IL4I1: variants seen among roughly 807,000 people sequenced by gnomAD.
IL4I1 encodes interleukin 4 induced 1.
IL4I1 carries 24 observed loss-of-function variants against 29.7 expected under a neutral mutation model. The ratio of observed to expected loss-of-function variants is 0.81; its 90% CI spans 0.59 to 1.14. The LOEUF (loss-of-function observed/expected upper bound fraction) is 1.14, where lower values mean the gene tolerates loss of function less well. Ranked by LOEUF, IL4I1 falls within the 50% of genes most tolerant of loss-of-function variation. The pLI, the probability that IL4I1 is intolerant of heterozygous loss-of-function variation, is 0.00. For synonymous variants in IL4I1, 371 were observed against 352.5 expected, an observed-to-expected ratio of 1.05 and a Z score of -0.59; for missense variants, 686 against 785.6, an observed-to-expected ratio of 0.87 and a Z score of 1.52.
chr19:49,908,863 G>A lies in IL4I1; in HGVS notation c.-227-4542C>T. On this transcript the variant is annotated intron_variant, in intron 2 of 9. Transcript: ENST00000341114. ...CAGCCGCCCCTGCAGCTGCGCCAGG[G>A]CCAGGTGGAGCGGTCACGGCAGCTG... is the stretch of plus-strand genomic sequence containing the variant. The A allele has an allele frequency of 1.2e-6, 2 of 1,611,516 alleles. No individual in the cohort carries two copies. The highest frequency in any genetic ancestry group is 2.7e-5 in the African/African-American group (2 of 75,062).
At chr19:49,897,619 G>A (rs1228798924), upstream of IL4I1, among the ~76,000 whole-genome samples, 1 of 152,216 alleles carries the variant, frequency 6.6e-6, no homozygotes, top group African/African-American at 2.4e-5. Context: ...GGTTCTATGA[G>A]TGACCACCCG....
chr19:49,908,647 C>A, intron 2 of IL4I1: 1 of 1,612,926 alleles, frequency 6.2e-7, no homozygotes, highest in Non-Finnish European at 8.5e-7. Context: ...GGTCCAGCCT[C>A]TTCTGGTCCA....
intron 2 of IL4I1, among the ~76,000 whole-genome samples, chr19:49,926,980 C>A (rs1452757727): frequency 6.6e-6 from 1 of 151,932 alleles, no homozygotes; most frequent in Non-Finnish European, 1.5e-5. Flanking sequence ...CTGCCTTAGC[C>A]TCATGAGTAG....
chr19:49,915,618 A>G (rs1024668621), intron 2 of IL4I1, among the ~76,000 whole-genome samples: 2 of 152,260 alleles, frequency 1.3e-5, no homozygotes, highest in Non-Finnish European at 2.9e-5. Flanking sequence ...TTGAGGGACG[A>G]TGGAGAAAGA....
In IL4I1 at chr19:49,896,051, G is replaced by A; in HGVS notation, c.16C>T (p.Leu6=). The change falls in exon 3 of 8, where the codon CTG becomes TTG. Residue 6 remains leucine, a splice_region_variant and synonymous_variant. Transcript: ENST00000391826. MAPLA[L]HLLVLVPILL... ...ATGGGGACGAGGACGAGGAGGTGCA[G>A]GGCTGGGAGGAGGAGGACAGGGTCA... 5 of 1,613,712 alleles carry A rather than the reference G, an allele frequency of 3.1e-6. No individual in the cohort carries two copies. Among genetic ancestry groups the A allele is most frequent in the Non-Finnish European group, 4.2e-6 (5 of 1,179,754 alleles).
chr19:49,907,339 G>C, intron 2 of IL4I1: 1 of 315,388 alleles, frequency 3.2e-6, no homozygotes, highest in South Asian at 2.4e-5. Flanking sequence ...CCAGGCAAAA[G>C]GCAGGCCTCT....
intron 2 of IL4I1, among the ~76,000 whole-genome samples, chr19:49,925,074 C>G (rs1236723736): frequency 6.6e-6 from 1 of 151,986 alleles, no homozygotes; most frequent in Non-Finnish European, 1.5e-5. Context: ...CCAGCCTGAC[C>G]AACATGGAGA....
rs564734739 is a variant in IL4I1 at position 49,909,839 on chromosome 19, G to C, written c.-227-5518C>G. 15 of 1,609,148 alleles carry C rather than the reference G, an allele frequency of 9.3e-6. No individual in the cohort carries two copies. In the Admixed American group the frequency reaches 1.3e-4, roughly 14 times the overall value. ...GGACTCTGGTGGCGGCAGCTACTCT[G>C]GCTCCCAAAGCAAATCCGTCGGTGT... On this transcript the variant is annotated intron_variant, in intron 2 of 9. Coordinates refer to the IL4I1 transcript ENST00000341114.
chr19:49,925,323 C>T (rs148441365), intron 2 of IL4I1, among the ~76,000 whole-genome samples: 480 of 151,942 alleles, frequency 3.2e-3, no homozygotes, highest in Admixed American at 7.9e-3. Flanking sequence ...CACAGTGGCT[C>T]AGGCTTGTAA....
At chr19:49,894,711 A>G (rs2075182827) in intron 4 of IL4I1, among the ~76,000 whole-genome samples, 1 of 147,524 alleles carries the variant, frequency 6.8e-6, no homozygotes, top group Admixed American at 6.8e-5. Flanking sequence ...CCAGATTAGA[A>G]TTGGGAAGGG....
At chr19:49,922,810 C>T (rs2075796616) in intron 2 of IL4I1, among the ~76,000 whole-genome samples, 1 of 152,246 alleles carries the variant, frequency 6.6e-6, no homozygotes, top group South Asian at 2.1e-4. Flanking sequence ...CTTTCAGGGG[C>T]CCAGGTGCTT....
At chr19:49,899,746 G>T (rs1343816503), upstream of IL4I1, among the ~76,000 whole-genome samples, 1 of 152,006 alleles carries the variant, frequency 6.6e-6, no homozygotes, top group Admixed American at 6.6e-5. Context: ...TAGTAGAGAT[G>T]AGATTTCACC....
upstream of IL4I1, chr19:49,901,617 G>A (rs767526406): frequency 4.5e-5 from 66 of 1,467,266 alleles, 5 homozygotes; most frequent in South Asian, 8.9e-4. Flanking sequence ...AACATCCCAG[G>A]GCCCCGGGTG....
At chr19:49,920,827 C>T (rs958868270) in intron 2 of IL4I1, among the ~76,000 whole-genome samples, 4 of 152,158 alleles carry the variant, frequency 2.6e-5, no homozygotes, top group African/African-American at 4.8e-5. Context: ...AGCGGACAGG[C>T]GTGTGTGGCG....
chr19:49,916,499 C>G (rs1438967933), intron 2 of IL4I1, among the ~76,000 whole-genome samples: 1 of 150,710 alleles, frequency 6.6e-6, no homozygotes, highest in African/African-American at 2.4e-5. Flanking sequence ...TTAGGCCAGG[C>G]GCGGTGGCTC....
chr19:49,922,312 G>T (rs1422767766), intron 2 of IL4I1, among the ~76,000 whole-genome samples: 1 of 152,150 alleles, frequency 6.6e-6, no homozygotes, highest in African/African-American at 2.4e-5. Flanking sequence ...GTGGCCTCTG[G>T]CTGGGGGCAT....
intron 2 of IL4I1, chr19:49,908,963 G>A: frequency 6.2e-7 from 1 of 1,605,920 alleles, no homozygotes; most frequent in Non-Finnish European, 8.5e-7. Flanking sequence ...GCTGCTGCTG[G>A]TGGTGGTGGC....
intron 2 of IL4I1, chr19:49,907,106 C>T (rs11083988): frequency 0.1 from 15,945 of 157,440 alleles, 1,558 homozygotes; most frequent in East Asian, 0.37. Context: ...TGACAGGGAC[C>T]GGGCTGGGGA....
chr19:49,899,559 TTTG>T (rs2075252311), upstream of IL4I1, among the ~76,000 whole-genome samples: 1 of 150,716 alleles, frequency 6.6e-6, no homozygotes, highest in Admixed American at 6.6e-5. Context: ...TTTTGTTTTT[TTTG>T]TTTTTTTTAA....
Sources: allele counts gnomAD v4.1 joint callset (sites outside exome capture counted in the v4.1 genomes callset), GRCh38; gene constraint gnomAD v4.1.1; transcripts MANE v1.5; gene names NCBI Gene and HGNC (gene_info 2026-07-23, HGNC 2026-07-21).